ST6GALNAC3: variants seen among roughly 807,000 people sequenced by gnomAD.
ST6GALNAC3 encodes the protein ST6 N-acetylgalactosaminide alpha-2,6-sialyltransferase 3, also known as alpha-N-acetylgalactosaminide alpha-2,6-sialyltransferase 3.
Under a neutral mutation model 32.7 loss-of-function variants are expected in ST6GALNAC3, and 25 were observed. The ratio of observed to expected loss-of-function variants is 0.76; its 90% CI spans 0.56 to 1.07. The LOEUF is 1.07. Among genes scored for constraint, ST6GALNAC3 ranks in the 50% least tolerant of loss-of-function variants. The pLI is 0.00. For missense variants in ST6GALNAC3, 355 were observed against 382.4 expected, an observed-to-expected ratio of 0.93 and a Z score of 0.60; for synonymous variants, 129 against 133.1, an observed-to-expected ratio of 0.97 and a Z score of 0.21.
At chr1:76,269,048 G>A (rs1211713689) in intron 1 of ST6GALNAC3, among the ~76,000 whole-genome samples, 2 of 152,128 alleles carry the variant, frequency 1.3e-5, no homozygotes, top group Non-Finnish European at 2.9e-5. Flanking sequence ...CCTAGAGGGA[G>A]GGAATTTGAC....
chr1:76,364,902 A>G (rs1380188446), intron 2 of ST6GALNAC3, among the ~76,000 whole-genome samples: 1 of 152,224 alleles, frequency 6.6e-6, no homozygotes, highest in Non-Finnish European at 1.5e-5. Flanking sequence ...TTCAGGCACT[A>G]TGGAAAGCAA....
chr1:76,495,100 A>G (rs1334567614), intron 3 of ST6GALNAC3, among the ~76,000 whole-genome samples: 1 of 152,080 alleles, frequency 6.6e-6, no homozygotes. Flanking sequence ...TACTCAGTCT[A>G]CTGATTCAAA....
intron 1 of ST6GALNAC3, among the ~76,000 whole-genome samples, chr1:76,248,334 C>T (rs472536): frequency 0.44 from 66,418 of 152,014 alleles, 16,112 homozygotes; most frequent in African/African-American, 0.64. Flanking sequence ...GTTGAGACTA[C>T]TTTTCTTCTC....
chr1:76,232,845 G>A (rs1005326014), intron 1 of ST6GALNAC3, among the ~76,000 whole-genome samples: 5 of 152,244 alleles, frequency 3.3e-5, no homozygotes, highest in Admixed American at 2.0e-4. Flanking sequence ...GATAGACCGA[G>A]ATGGAGATGA....
At chr1:76,523,927 C>CCATGTCAAG (rs1662708603) in intron 3 of ST6GALNAC3, among the ~76,000 whole-genome samples, 1 of 152,116 alleles carries the variant, frequency 6.6e-6, no homozygotes, top group Admixed American at 6.6e-5. Flanking sequence ...CCCAGTCTAC[C>CCATGTCAAG]CATGTCAAGA....
chr1:76,164,225 G>A (rs1046326492), intron 1 of ST6GALNAC3, among the ~76,000 whole-genome samples: 8 of 152,176 alleles, frequency 5.3e-5, no homozygotes, highest in Admixed American at 3.9e-4. Context: ...GGGTGCAAAG[G>A]AGAATGAGGA....
At chr1:76,378,700 G>A (rs1006262785) in intron 2 of ST6GALNAC3, among the ~76,000 whole-genome samples, 1 of 151,812 alleles carries the variant, frequency 6.6e-6, no homozygotes, top group African/African-American at 2.4e-5. Context: ...GCTTTTTTTA[G>A]TGTTTTTGTA....
chr1:76,394,487 T>C (rs1014069503), intron 2 of ST6GALNAC3, among the ~76,000 whole-genome samples: 4 of 152,196 alleles, frequency 2.6e-5, no homozygotes, highest in Non-Finnish European at 5.9e-5. Flanking sequence ...CAAAATTATA[T>C]GCCTTTGACA....
rs191253941 is a variant in ST6GALNAC3 at position 76,293,827 on chromosome 1, G to A, written c.19-19978G>A. 1.8e-4 allele frequency among the ~76,000 whole-genome samples: 28 copies of A among 152,158 alleles called. No homozygotes were observed. In the East Asian group the frequency reaches 4.1e-3, roughly 22 times the overall value. ...TTAAAACAGGCTATATTGATGTTGCGAAAGAACTGGTACATTATAAGTAGA... is the reference window on the plus strand; with the variant it reads ...TTAAAACAGGCTATATTGATGTTGCAAAAGAACTGGTACATTATAAGTAGA... On this transcript the variant is annotated intron_variant, in intron 1 of 4. Transcript: ENST00000328299.
chr1:76,332,675 C>T (rs941032262), intron 2 of ST6GALNAC3, among the ~76,000 whole-genome samples: 3 of 152,140 alleles, frequency 2.0e-5, no homozygotes, highest in Non-Finnish European at 2.9e-5. Flanking sequence ...GTAGTCCTTA[C>T]GACCATTCAT....
chr1:76,237,271 C>T (rs1401991422), intron 1 of ST6GALNAC3, among the ~76,000 whole-genome samples: 4 of 152,110 alleles, frequency 2.6e-5, no homozygotes, highest in Non-Finnish European at 4.4e-5. Context: ...GTAGCTGGGA[C>T]TACAGATGCC....
Position 76,074,800 on chromosome 1 carries a change from T to A in ST6GALNAC3, c.-67T>A. 6.5e-7 allele frequency: 1 copy of A among 1,545,296 alleles called. No homozygotes were observed. The highest frequency in any genetic ancestry group is 8.7e-7 in the Non-Finnish European group (1 of 1,143,828). ...CCTGCCGTGGTACCAGCCTCCAGCC[T>A]GCCCCCAGGACTGCCCCTGACCCAG... On this transcript the variant is annotated 5_prime_UTR_variant, in exon 1 of 5. Transcript: ENST00000328299.
chr1:76,580,597 G>T (rs776843838), intron 3 of ST6GALNAC3, among the ~76,000 whole-genome samples: 1 of 152,096 alleles, frequency 6.6e-6, no homozygotes, highest in African/African-American at 2.4e-5. Flanking sequence ...TAGCCCCTTA[G>T]CCCCAGGTAG....
chr1:76,541,118 A>G (rs6697235), intron 3 of ST6GALNAC3, among the ~76,000 whole-genome samples: 2,100 of 152,316 alleles, frequency 0.014, 37 homozygotes, highest in African/African-American at 0.046. Context: ...TATTCTGAGC[A>G]GTAAAGAGAT....
intron 3 of ST6GALNAC3, among the ~76,000 whole-genome samples, chr1:76,454,751 A>T (rs1307723410): frequency 6.6e-6 from 1 of 152,112 alleles, no homozygotes; most frequent in East Asian, 1.9e-4. Context: ...TACCCTGATG[A>T]CTATGTGCCT....
chr1:76,316,810 G>C (rs1646874894), intron 2 of ST6GALNAC3, among the ~76,000 whole-genome samples: 1 of 152,060 alleles, frequency 6.6e-6, no homozygotes, highest in African/African-American at 2.4e-5. Context: ...AATATATTCT[G>C]ATCCCAGGAA....
chr1:76,153,626 C>G (rs1050112749), intron 1 of ST6GALNAC3, among the ~76,000 whole-genome samples: 1 of 152,194 alleles, frequency 6.6e-6, no homozygotes, highest in Non-Finnish European at 1.5e-5. Flanking sequence ...TACTCCCTCA[C>G]CTCAGATTTT....
chr1:76,240,891 G>A (rs72675942), intron 1 of ST6GALNAC3, among the ~76,000 whole-genome samples: 10,476 of 152,112 alleles, frequency 0.069, 900 homozygotes, highest in African/African-American at 0.21. Context: ...CAAATTGTAA[G>A]GTACTTTTGA....
At chr1:76,080,236 T>C (rs908943468) in intron 1 of ST6GALNAC3, among the ~76,000 whole-genome samples, 1 of 152,214 alleles carries the variant, frequency 6.6e-6, no homozygotes, top group Non-Finnish European at 1.5e-5. Context: ...TTCTAAGAAC[T>C]AGCTTGGCTC....
Sources: gnomAD v4.1 joint callset for allele counts (sites outside exome capture counted in the v4.1 genomes callset) on GRCh38, gnomAD v4.1.1 for gene constraint, MANE v1.5 for transcripts, NCBI Gene and HGNC (gene_info 2026-07-23, HGNC 2026-07-21) for gene names.